The following CNTN5 variants were observed in gnomAD, a reference collection of about 807,000 sequenced individuals.
CNTN5 encodes the protein contactin 5.
CNTN5 carries 77 observed loss-of-function variants against 129.1 expected under a neutral mutation model. The ratio of observed to expected loss-of-function variants is 0.60; its 90% CI spans 0.50 to 0.72. CNTN5 has a LOEUF of 0.72. Among genes scored for constraint, CNTN5 ranks in the 30% least tolerant of loss-of-function variants. The probability of loss-of-function intolerance (pLI) is 0.00; values close to 1 mark genes in which losing one functional copy is unlikely to be tolerated. For missense variants in CNTN5, 1,478 were observed against 1,328.8 expected (o/e 1.11, Z -1.75); for synonymous variants, 509 against 465.6 (o/e 1.09, Z -1.20).
chr11:99,897,012 C>T (rs1181655143), intron 6 of CNTN5, among the ~76,000 whole-genome samples: 1 of 152,122 alleles, frequency 6.6e-6, no homozygotes, highest in East Asian at 1.9e-4. Flanking sequence ...GCCCATCCCT[C>T]CCCATCATAG....
At chr11:99,922,888 A>T (rs1436494561) in intron 7 of CNTN5, among the ~76,000 whole-genome samples, 1 of 152,202 alleles carries the variant, frequency 6.6e-6, no homozygotes, top group Non-Finnish European at 1.5e-5. Flanking sequence ...GGTTTTAGAC[A>T]GTTTCTGTCA....
chr11:99,253,744 G>T (rs968061990), intron 1 of CNTN5, among the ~76,000 whole-genome samples: 3 of 150,984 alleles, frequency 2.0e-5, no homozygotes, highest in Admixed American at 1.3e-4. Flanking sequence ...TTTTTATATT[G>T]TTTTCACACT....
chr11:99,278,807 T>G (rs986506466), intron 1 of CNTN5, among the ~76,000 whole-genome samples: 2 of 151,724 alleles, frequency 1.3e-5, no homozygotes, highest in African/African-American at 4.8e-5. Context: ...TAATCTGTAT[T>G]AAATATACAT....
intron 17 of CNTN5, among the ~76,000 whole-genome samples, chr11:100,258,626 C>CCAACATT (rs199780632): frequency 0.2 from 29,607 of 151,736 alleles, 4,073 homozygotes; most frequent in East Asian, 0.6. Context: ...AGAGTGGGGG[C>CCAACATT]CAACATTCAA....
chr11:99,222,317 A>T (rs1860437566), intron 1 of CNTN5, among the ~76,000 whole-genome samples: 2 of 151,904 alleles, frequency 1.3e-5, no homozygotes, highest in Admixed American at 1.3e-4. Flanking sequence ...AAAGGAAGGA[A>T]GTAGGGAAGG....
intron 1 of CNTN5, among the ~76,000 whole-genome samples, chr11:99,137,778 TC>T (rs777656914): frequency 2.0e-5 from 3 of 152,070 alleles, no homozygotes; most frequent in Non-Finnish European, 4.4e-5. Flanking sequence ...GGTCTTTTTT[TC>T]CCCCTAGAAA....
At chr11:99,710,200 G>A (rs539536595) in intron 3 of CNTN5, among the ~76,000 whole-genome samples, 122 of 151,726 alleles carry the variant, frequency 8.0e-4, no homozygotes, top group Non-Finnish European at 1.2e-3. Context: ...CCATTCTAGG[G>A]TCACCGCTGT....
intron 3 of CNTN5, among the ~76,000 whole-genome samples, chr11:99,684,602 C>A (rs1953705487): frequency 6.6e-6 from 1 of 151,752 alleles, no homozygotes. Flanking sequence ...TTTCACACAC[C>A]TTTTATAAGA....
chr11:99,959,927 A>AT (rs35729015), intron 8 of CNTN5, among the ~76,000 whole-genome samples: 241 of 149,748 alleles, frequency 1.6e-3, no homozygotes, highest in South Asian at 9.3e-3. Flanking sequence ...TTATTTGTCC[A>AT]TTTTTTTTTT....
intron 23 of CNTN5, among the ~76,000 whole-genome samples, chr11:100,343,442 G>C (rs1952209867): frequency 6.6e-6 from 1 of 152,010 alleles, no homozygotes; most frequent in African/African-American, 2.4e-5. Flanking sequence ...CCCACTGAGA[G>C]AACTGCTGAC....
chr11:99,437,559 G>A (rs556324089), intron 2 of CNTN5, among the ~76,000 whole-genome samples: 3 of 152,222 alleles, frequency 2.0e-5, no homozygotes, highest in Admixed American at 1.3e-4. Context: ...TGGGTGTTGC[G>A]GCTCATGCCT....
intron 1 of CNTN5, among the ~76,000 whole-genome samples, chr11:99,202,863 C>T (rs1280568040): frequency 2.6e-5 from 4 of 151,490 alleles, no homozygotes; most frequent in Non-Finnish European, 4.4e-5. Flanking sequence ...TTTCTAACTG[C>T]CCATATGTTT....
intron 2 of CNTN5, among the ~76,000 whole-genome samples, chr11:99,426,772 A>C (rs1943139999): frequency 6.6e-6 from 1 of 152,264 alleles, no homozygotes; most frequent in Non-Finnish European, 1.5e-5. Context: ...GTATCTCATG[A>C]ATGCAAATTA....
chr11:99,599,633 C>T (rs912069813), intron 3 of CNTN5, among the ~76,000 whole-genome samples: 2 of 152,092 alleles, frequency 1.3e-5, no homozygotes, highest in African/African-American at 4.8e-5. Flanking sequence ...CTCCCTTCCT[C>T]CTGATATACC....
intron 13 of CNTN5, among the ~76,000 whole-genome samples, chr11:100,080,506 C>T (rs1487512248): frequency 6.6e-6 from 1 of 152,144 alleles, no homozygotes; most frequent in South Asian, 2.1e-4. Context: ...AGCTCACATA[C>T]TGACTCAGAG....
At chr11:100,050,369 A>G (rs983654248) in intron 9 of CNTN5, among the ~76,000 whole-genome samples, 14 of 152,064 alleles carry the variant, frequency 9.2e-5, no homozygotes, top group African/African-American at 3.4e-4. Flanking sequence ...ATAAACTATC[A>G]CAAGAACAAA....
chr11:99,821,897 A>T (rs946333704), intron 4 of CNTN5, among the ~76,000 whole-genome samples: 1 of 152,124 alleles, frequency 6.6e-6, no homozygotes, highest in Non-Finnish European at 1.5e-5. Context: ...AGTTTAATCC[A>T]TATTTTAGAG....
intron 3 of CNTN5, among the ~76,000 whole-genome samples, chr11:99,763,176 T>C (rs1247999929): frequency 6.6e-6 from 1 of 152,174 alleles, no homozygotes; most frequent in African/African-American, 2.4e-5. Context: ...TTAAATGTAT[T>C]TGTAATTATT....
intron 9 of CNTN5, among the ~76,000 whole-genome samples, chr11:100,033,990 C>G (rs888864346): frequency 1.3e-5 from 2 of 152,210 alleles, no homozygotes; most frequent in Non-Finnish European, 2.9e-5. Context: ...ATTTCTATCT[C>G]TAATGCAAAT....
Sources: allele counts gnomAD v4.1 joint callset (sites outside exome capture counted in the v4.1 genomes callset), GRCh38; gene constraint gnomAD v4.1.1; transcripts MANE v1.5; gene names NCBI Gene and HGNC (gene_info 2026-07-23, HGNC 2026-07-21).